Variants in PFDN6 observed in about 807,000 individuals in gnomAD.
PFDN6 encodes prefoldin subunit 6, also known as HLA class II region expressed gene KE2.
In PFDN6, 5 loss-of-function variants were observed where a neutral mutation model predicts 19.3. That is an observed-to-expected ratio of 0.26 (90% confidence interval 0.14 to 0.55). PFDN6 has a LOEUF of 0.55. Ranked by LOEUF, PFDN6 falls within the 20% of genes least tolerant of loss-of-function variation. PFDN6 has a pLI of 0.94. For synonymous variants in PFDN6, 51 were observed against 63.4 expected (o/e 0.80, Z 0.93); for missense variants, 101 against 149.4 (o/e 0.68, Z 1.69).
At chr6:33,289,217 C>T (rs1418068111), upstream of PFDN6, 3 of 1,582,850 alleles carry the variant, frequency 1.9e-6, no homozygotes, top group East Asian at 4.5e-5. Context: ...CTCTCAGCTG[C>T]CACACAGTCG....
In PFDN6 at chr6:33,290,315, C is replaced by T. The variant is rs1448580778; in HGVS notation, c.136-11C>T. 1.2e-6 allele frequency: 2 copies of T among 1,610,376 alleles called. No homozygotes were observed. Among genetic ancestry groups the T allele is most frequent in the Non-Finnish European group, 1.7e-6 (2 of 1,177,118 alleles). On this transcript the variant is annotated splice_polypyrimidine_tract_variant and intron_variant, in intron 2 of 3. Transcript: ENST00000374606. Reference sequence around the variant, plus strand: ...ATGGTTCTGATCACATATGTCCCATCCCTCCATCAGGAACTGGCCCTGCTG... The same window carrying T: ...ATGGTTCTGATCACATATGTCCCATTCCTCCATCAGGAACTGGCCCTGCTG...
chr6:33,289,333 G>A (rs1767064429), upstream of PFDN6: 7 of 1,381,192 alleles, frequency 5.1e-6, no homozygotes, highest in Admixed American at 3.3e-5. Flanking sequence ...TCCTTAGAGG[G>A]GCGGAACAGT....
Position 33,290,697 on chromosome 6 carries a change from C to T in PFDN6, c.261-19C>T, listed in dbSNP as rs1208789375. 6.2e-7 allele frequency: 1 copy of T among 1,611,264 alleles called. No individual in the cohort carries two copies. Reference sequence around the variant, plus strand: ...TACTAATTTCTCCCTTTCTGCTTGTCTCCCTTGTCTCTCCTTAGTAAGCGA... The same window carrying T: ...TACTAATTTCTCCCTTTCTGCTTGTTTCCCTTGTCTCTCCTTAGTAAGCGA... On this transcript the variant is annotated intron_variant, in intron 3 of 3. Coordinates refer to ENST00000374606, the MANE Select transcript of PFDN6 (RefSeq NM_001185181.3).
exon 1 of PFDN6, chr6:33,289,596 GGTTTATT>G (rs1314116013): frequency 1.5e-6 from 1 of 649,502 alleles, no homozygotes; most frequent in Non-Finnish European, 2.3e-6. Context: ...TTTACTTCCG[GGTTTATT>G]ACTACTGAAG....
Position 33,290,807 on chromosome 6 carries a change from G to T in PFDN6, c.352G>T (p.Ala118Ser). Residue 118 changes from alanine (A) to serine (S), a missense_variant, in exon 4 of 4, where the codon GCC becomes TCC. This residue lies in a region of PFDN6 where 47 missense variants were observed against 40.6 expected (regional missense o/e 1.16). Coordinates refer to ENST00000374606, the MANE Select transcript of PFDN6 (RefSeq NM_001185181.3). ...TCAGCTGCAGCAGGAGTTCCAGCGG[G>T]CCCAGGCAGCAAAGGCAGGGGCTCC... ...LAQLQQEFQR[A>S]QAAKAGAPGK... The T allele has an allele frequency of 6.2e-7, 1 of 1,604,398 alleles. No individual in the cohort carries two copies. Among genetic ancestry groups the T allele is most frequent in the Non-Finnish European group, 8.5e-7 (1 of 1,179,812 alleles).
chr6:33,290,248 AG>A lies in PFDN6; in HGVS notation c.135+7del, dbSNP rs1422715132. On this transcript the variant is annotated splice_donor_5th_base_variant and intron_variant, in intron 2 of 3. Coordinates refer to ENST00000374606, the MANE Select transcript of PFDN6 (RefSeq NM_001185181.3). ...AGAAAATAATATCGTGAAAGAGGTG[AG>A]GGACTGGGATTTGTGGGGCGAGGAG... The A allele has an allele frequency of 6.2e-7, 1 of 1,614,188 alleles. No individual in the cohort carries two copies. Among genetic ancestry groups the A allele is most frequent in the Admixed American group, 1.7e-5 (1 of 60,010 alleles).
Position 33,289,845 on chromosome 6 carries a change from T to C in PFDN6, c.-12T>C. 1 of 1,587,556 alleles carries C rather than the reference T, an allele frequency of 6.3e-7. No homozygotes were observed. ...GCCCTTGTCTCGCACCCAGTAGGCTTTCATCCCCGCCATGGCGGAGCTGAT... is the reference window on the plus strand; with the variant it reads ...GCCCTTGTCTCGCACCCAGTAGGCTCTCATCCCCGCCATGGCGGAGCTGAT... On this transcript the variant is annotated 5_prime_UTR_variant, in exon 1 of 4. Coordinates refer to ENST00000374606, the MANE Select transcript of PFDN6 (RefSeq NM_001185181.3).
intron 1 of PFDN6, 63 bp from the exon 2 acceptor site, chr6:33,290,111 C>CT: frequency 6.5e-7 from 1 of 1,545,486 alleles, no homozygotes; most frequent in Non-Finnish European, 8.9e-7. Flanking sequence ...ATCCACCTGA[C>CT]TAGGATTGTG....
rs777968483 is a variant in PFDN6, at chr6:33,290,738, C to T, written c.283C>T (p.Arg95Trp). Residue 95 changes from arginine (R) to tryptophan (W), a missense_variant, in exon 4 of 4, where the codon CGG (arginine) becomes TGG (tryptophan). Arg to Trp is a moderately radical substitution (Grantham distance 101, BLOSUM62 -3). This residue lies in a region of PFDN6 where 54 missense variants were observed against 108.8 expected (regional missense o/e 0.50). Transcript: ENST00000374606. ...AEIKRYESQL[R>W]DLERQSEQQR... ...TAGTAAGCGATACGAATCCCAGCTTCGGGATCTTGAGCGGCAGTCAGAGCA... is the reference window on the plus strand; with the variant it reads ...TAGTAAGCGATACGAATCCCAGCTTTGGGATCTTGAGCGGCAGTCAGAGCA... 3 of 1,612,990 alleles carry T rather than the reference C, an allele frequency of 1.9e-6. No homozygotes were observed. The highest frequency in any genetic ancestry group is 1.7e-5 in the Admixed American group (1 of 60,006).
In PFDN6 at chr6:33,290,474, G is replaced by A. The variant is rs141863303; in HGVS notation, c.260+24G>A. The A allele has an allele frequency of 9.8e-5, 151 of 1,535,416 alleles. No individual in the cohort carries two copies. The African/African-American group carries it at 1.9e-3, about 19-fold the overall frequency. The stretch of plus-strand genomic sequence containing the variant: ...ATGTGAGTTTTTATTCCACCACCGT[G>A]TGCTGCACCCTGTGATGCAAGTGAA... On this transcript the variant is annotated intron_variant, in intron 3 of 3. Coordinates refer to ENST00000374606, the MANE Select transcript of PFDN6 (RefSeq NM_001185181.3).
chr6:33,290,871 A>C lies in PFDN6; in HGVS notation c.*26A>C. On this transcript the variant is annotated 3_prime_UTR_variant, in exon 4 of 4. Transcript: ENST00000374606. ...CCCCATGGTGGGGGGAGGGGAGGGG[A>C]GGGGAGGGAATGAGGCAGCTCTAGG... The C allele has an allele frequency of 6.8e-6, 6 of 879,030 alleles. No individual in the cohort carries two copies. Among genetic ancestry groups the C allele is most frequent in the Non-Finnish European group, 1.0e-5 (6 of 575,270 alleles). 54.5% of individuals were successfully genotyped at this position (879,030 alleles called of 1,614,324 possible).
intron 3 of PFDN6, 22 bp downstream of exon 3, chr6:33,290,472 G>A: frequency 6.5e-7 from 1 of 1,540,332 alleles, no homozygotes; most frequent in South Asian, 1.3e-5. Flanking sequence ...TTCCACCACC[G>A]TGTGCTGCAC....
rs1767277026 is a variant in PFDN6 at position 33,290,700 on chromosome 6, C to T, written c.261-16C>T. 12 of 1,612,240 alleles carry T rather than the reference C, an allele frequency of 7.4e-6. No homozygotes were observed. Among genetic ancestry groups the T allele is most frequent in the Admixed American group, 1.7e-5 (1 of 59,944 alleles). ...TAATTTCTCCCTTTCTGCTTGTCTC[C>T]CTTGTCTCTCCTTAGTAAGCGATAC... On this transcript the variant is annotated splice_polypyrimidine_tract_variant and intron_variant, in intron 3 of 3. Transcript: ENST00000374606.
Position 33,289,689 on chromosome 6 carries a change from G to C in PFDN6, c.-168G>C. 1 of 596,250 alleles carries C rather than the reference G, an allele frequency of 1.7e-6. No homozygotes were observed. Among genetic ancestry groups the C allele is most frequent in the Non-Finnish European group, 2.8e-6 (1 of 361,562 alleles). The allele number at this position is 596,250 out of a possible 1,614,324, so 36.9% of individuals were successfully genotyped here. A position where few individuals can be genotyped will look rare whatever the true frequency, so the allele number is the denominator to read the frequency against. On this transcript the variant is annotated 5_prime_UTR_variant, in exon 1 of 4. Transcript: ENST00000374606. Reference sequence around the variant, plus strand: ...TTTCGCCCACCATCTCCTGGGGACAGGGTGGAGTCGATATCCGGGACGGGG... The same window carrying C: ...TTTCGCCCACCATCTCCTGGGGACACGGTGGAGTCGATATCCGGGACGGGG...
At chr6:33,290,288 C>A in intron 2 of PFDN6, 38 bp from the exon 3 acceptor site, 1 of 1,613,844 alleles carries the variant, frequency 6.2e-7, no homozygotes, top group Non-Finnish European at 8.5e-7. Flanking sequence ...CCTGTACTAG[C>A]CATGGTTCTG....
rs1171633230 is a variant in PFDN6 at position 33,289,809 on chromosome 6, T to G, written c.-48T>G. 16 of 1,469,102 alleles carry G rather than the reference T, an allele frequency of 1.1e-5. No individual in the cohort carries two copies. The highest frequency in any genetic ancestry group is 1.5e-5 in the Non-Finnish European group (16 of 1,079,628). The allele number at this position is 1,469,102 out of a possible 1,614,324, so 91.0% of individuals were successfully genotyped here. On this transcript the variant is annotated 5_prime_UTR_variant, in exon 1 of 4. Coordinates refer to ENST00000374606, the MANE Select transcript of PFDN6 (RefSeq NM_001185181.3). ...GGGAGCTCAGGTACCTTCCAGAGAG[T>G]GAGACCCAGCGCCCTTGTCTCGCAC...
intron 1 of PFDN6, 108 bp from the exon 2 acceptor site, chr6:33,290,066 G>A: frequency 7.4e-7 from 1 of 1,344,936 alleles, no homozygotes; most frequent in Non-Finnish European, 1.1e-6. Flanking sequence ...TCACTCACCC[G>A]CTGCCCCCAT....
upstream of PFDN6, chr6:33,289,227 G>T: frequency 6.3e-7 from 1 of 1,575,052 alleles, no homozygotes; most frequent in Non-Finnish European, 8.6e-7. Flanking sequence ...CCACACAGTC[G>T]GCTTGAAAAC....
Position 33,290,848 on chromosome 6 carries a change from C to T in PFDN6, c.*3C>T, listed in dbSNP as rs760601813. The T allele has an allele frequency of 6.3e-7, 1 of 1,597,352 alleles. No homozygotes were observed. Among genetic ancestry groups the T allele is most frequent in the Admixed American group, 1.7e-5 (1 of 59,450 alleles). ...CAGGGGCTCCTGGCAAGGCCTGACC[C>T]CATGGTGGGGGGAGGGGAGGGGAGG... On this transcript the variant is annotated 3_prime_UTR_variant, in exon 4 of 4. Coordinates refer to ENST00000374606, the MANE Select transcript of PFDN6 (RefSeq NM_001185181.3).
Sources: allele counts gnomAD v4.1 joint callset, GRCh38; gene constraint gnomAD v4.1.1; regional missense constraint gnomAD v4.1.1; transcripts MANE v1.5; gene names NCBI Gene and HGNC (gene_info 2026-07-23, HGNC 2026-07-21).